The following RSRP1 variants were observed in gnomAD, a reference collection of about 807,000 sequenced individuals.
RSRP1 encodes the protein arginine and serine rich protein 1.
In RSRP1, 37 loss-of-function variants were observed where a neutral mutation model predicts 33.0. The ratio of observed to expected loss-of-function variants is 1.12; its 90% CI spans 0.86 to 1.48. The LOEUF (loss-of-function observed/expected upper bound fraction) is 1.48, where lower values mean the gene tolerates loss of function less well. RSRP1 is among the 40% of genes most tolerant of loss of function. The pLI, the probability that RSRP1 is intolerant of heterozygous loss-of-function variation, is 0.00. For missense variants in RSRP1, 402 were observed against 385.3 expected, an observed-to-expected ratio of 1.04 and a Z score of -0.36; for synonymous variants, 167 against 158.7, an observed-to-expected ratio of 1.05 and a Z score of -0.40.
intron 1 of RSRP1, among the ~76,000 whole-genome samples, chr1:25,277,053 C>T (rs187503688): frequency 0.013 from 1,707 of 131,542 alleles, 266 homozygotes; most frequent in African/African-American, 0.04. Flanking sequence ...GGCAACAGAG[C>T]GAGACTCCGT....
At chr1:25,318,353 T>A (rs1644517736) in intron 1 of RSRP1, 1 of 131,832 alleles carries the variant, frequency 7.6e-6, no homozygotes, top group South Asian at 2.3e-4. Flanking sequence ...TTTGGGAGGC[T>A]GAGACAGGTA....
chr1:25,300,639 A>G (rs2124672964), intron 1 of RSRP1, among the ~76,000 whole-genome samples: 1 of 130,886 alleles, frequency 7.6e-6, no homozygotes, highest in Admixed American at 7.4e-5. Context: ...GTGAAACCCC[A>G]TCTCTACTAA....
intron 3 of RSRP1, chr1:25,244,025 T>C: frequency 8.4e-7 from 1 of 1,191,770 alleles, no homozygotes; most frequent in South Asian, 1.6e-5. Context: ...AACCCACATC[T>C]GGGCCCAATT....
rs1004687135 is a variant in RSRP1 at position 25,314,450 on chromosome 1, T to C, written c.-67+23528A>G. Among the ~76,000 whole-genome samples the C allele has an allele frequency of 7.5e-5, 10 of 132,750 alleles. 1 individual carries two copies. The highest frequency in any genetic ancestry group is 2.6e-4 in the African/African-American group (10 of 38,994). 87.1% of individuals were successfully genotyped at this position (132,750 alleles called of 152,430 possible). On this transcript the variant is annotated intron_variant, in intron 1 of 1. Transcript: ENST00000561867. ...TTTCTTATTGATTTGTAGGAATTCCTTACGTATCCTGGATATGAATCCCAC... is the reference window on the plus strand; with the variant it reads ...TTTCTTATTGATTTGTAGGAATTCCCTACGTATCCTGGATATGAATCCCAC...
chr1:25,245,263 C>G lies in RSRP1; in HGVS notation c.559G>C (p.Ala187Pro). ...ELLEIAKTNA[A>P]KALGTTNIDL... ...ATGTTGGTTGTTCCTAGAGCTTTCG[C>G]TGCATTGGTTTTTGCTATTTCTAAC... The change falls in exon 3 of 5, where the codon GCG becomes CCG. Residue 187 changes from alanine (A) to proline (P), a missense_variant. Transcript: ENST00000243189. 7 of 1,613,800 alleles carry G rather than the reference C, an allele frequency of 4.3e-6. No homozygotes were observed. Among genetic ancestry groups the G allele is most frequent in the Non-Finnish European group, 5.1e-6 (6 of 1,179,992 alleles).
chr1:25,242,752 C>CT (rs779237879), intron 4 of RSRP1, 47 bp from the exon 5 acceptor site: 4 of 1,272,602 alleles, frequency 3.1e-6, no homozygotes, highest in Admixed American at 2.0e-5. Context: ...ACATTGTACA[C>CT]TTTTTTCACA....
At chr1:25,251,648 C>T (rs1452727082), upstream of RSRP1, among the ~76,000 whole-genome samples, 1 of 152,100 alleles carries the variant, frequency 6.6e-6, no homozygotes, top group Non-Finnish European at 1.5e-5. Flanking sequence ...GGATTACAGG[C>T]GTGAGCCACT....
At chr1:25,311,350 C>T (rs1476611043) in intron 1 of RSRP1, among the ~76,000 whole-genome samples, 1 of 131,192 alleles carries the variant, frequency 7.6e-6, no homozygotes, top group African/African-American at 2.6e-5. Flanking sequence ...CAACTACCGA[C>T]TGATAAGAAA....
At chr1:25,245,585 C>T (rs557224624) in intron 2 of RSRP1, among the ~76,000 whole-genome samples, 39 of 152,278 alleles carry the variant, frequency 2.6e-4, no homozygotes, top group Admixed American at 1.6e-3. Flanking sequence ...CATCCTGGCA[C>T]CAATCCCCCG....
At chr1:25,289,809 T>C (rs1171548669) in intron 1 of RSRP1, among the ~76,000 whole-genome samples, 1 of 120,070 alleles carries the variant, frequency 8.3e-6, no homozygotes. Context: ...GTAGCCTGTC[T>C]AGATCATAAG....
chr1:25,254,922 A>G (rs1341518335), intron 1 of RSRP1, among the ~76,000 whole-genome samples: 4 of 152,206 alleles, frequency 2.6e-5, no homozygotes, highest in Non-Finnish European at 5.9e-5. Flanking sequence ...TGAGAATGAG[A>G]CAGTCACGTC....
intron 1 of RSRP1, chr1:25,284,784 T>TC (rs1641822511): frequency 7.2e-7 from 1 of 1,383,588 alleles, no homozygotes; most frequent in Non-Finnish European, 1.0e-6. Context: ...GCTGGATCAC[T>TC]TCTGGGTCAT....
chr1:25,250,812 C>T (rs1361667365), upstream of RSRP1, among the ~76,000 whole-genome samples: 1 of 152,058 alleles, frequency 6.6e-6, no homozygotes. Context: ...CATTTGAGAC[C>T]AGCCTGGTCA....
intron 1 of RSRP1, among the ~76,000 whole-genome samples, chr1:25,321,687 A>ATAAAATAAAATAAAATAAAG (rs1644717282): frequency 8.0e-6 from 1 of 124,590 alleles, no homozygotes; most frequent in South Asian, 2.4e-4. Context: ...ATAAAATAAA[A>ATAAAATAAAATAAAATAAAG]TAAAATAAAA....
chr1:25,302,089 G>C (rs1295650697), intron 1 of RSRP1, among the ~76,000 whole-genome samples: 2 of 130,892 alleles, frequency 1.5e-5, no homozygotes, highest in Non-Finnish European at 3.6e-5. Flanking sequence ...AAGTAGAGAA[G>C]TATGTGACAC....
chr1:25,262,692 G>A (rs28535728), intron 1 of RSRP1, among the ~76,000 whole-genome samples: 1,906 of 152,242 alleles, frequency 0.013, 46 homozygotes, highest in African/African-American at 0.043. Flanking sequence ...GAACCCCAGC[G>A]GTGACGGAAA....
intron 1 of RSRP1, among the ~76,000 whole-genome samples, chr1:25,299,088 A>AC (rs1481814106): frequency 1.6e-5 from 2 of 126,920 alleles, no homozygotes; most frequent in African/African-American, 5.4e-5. Flanking sequence ...AAAAAAAAAA[A>AC]AAAAAAAAAC....
intron 1 of RSRP1, among the ~76,000 whole-genome samples, chr1:25,292,235 C>T (rs1642570209): frequency 7.6e-6 from 1 of 132,370 alleles, no homozygotes. Context: ...GGATTTTACT[C>T]TGAGAAATAC....
intron 1 of RSRP1, among the ~76,000 whole-genome samples, chr1:25,324,903 A>G (rs1644888933): frequency 8.9e-6 from 1 of 112,692 alleles, no homozygotes; most frequent in Non-Finnish European, 1.8e-5. Context: ...AAAAAATTAG[A>G]CAGGCGTGGT....
Sources: gnomAD v4.1 joint callset for allele counts (sites outside exome capture counted in the v4.1 genomes callset) on GRCh38, gnomAD v4.1.1 for gene constraint, MANE v1.5 for transcripts, NCBI Gene and HGNC (gene_info 2026-07-23, HGNC 2026-07-21) for gene names.